The following SLC12A7 variants were observed in gnomAD, a reference collection of about 807,000 sequenced individuals.
SLC12A7 encodes the protein K-Cl cotransporter 4.
In SLC12A7, 100 loss-of-function variants were observed where a neutral mutation model predicts 120.6. That is an observed-to-expected ratio of 0.83 (90% CI 0.71 to 0.98). The LOEUF (loss-of-function observed/expected upper bound fraction) is 0.98. Ranked by LOEUF, SLC12A7 falls within the 50% of genes least tolerant of loss-of-function variation. SLC12A7 has a pLI of 0.00. For missense variants in SLC12A7, 1,373 were observed against 1,548.1 expected (o/e 0.89, Z 1.90); for synonymous variants, 760 against 678.0 (o/e 1.12, Z -1.88).
chr5:1,093,932 G>C (rs1290908375), intron 2 of SLC12A7, among the ~76,000 whole-genome samples: 2 of 152,132 alleles, frequency 1.3e-5, no homozygotes, highest in African/African-American at 2.4e-5. Flanking sequence ...GAGCACCCTA[G>C]ATCCAGGAAG....
intron 1 of SLC12A7, among the ~76,000 whole-genome samples, chr5:1,095,700 T>C (rs1335447214): frequency 6.6e-6 from 1 of 152,204 alleles, no homozygotes; most frequent in Non-Finnish European, 1.5e-5. Context: ...GCATTCTCTA[T>C]GGGACATTTC....
At chr5:1,125,123 G>A in the SLC12A7 span, among the ~76,000 whole-genome samples, 1 of 152,218 alleles carries the variant, frequency 6.6e-6, no homozygotes, top group Non-Finnish European at 1.5e-5. Context: ...GGTTGAGAGA[G>A]GAGCTCTGAC....
At position 1,089,065 on chromosome 5, in the gene SLC12A7, T is replaced by C; in HGVS notation, c.406A>G (p.Ile136Val). ...LPCLQNILGVILFLRLTWIVG... is the reference protein window; with the variant it reads ...LPCLQNILGVVLFLRLTWIVG... ...ATCCACGTCAGGCGCAGGAAGAGGA[T>C]GACGCCCAGGATGTTCTGCAGGCAC... Residue 136 changes from isoleucine (I) to valine (V), a missense_variant, in exon 4 of 24, where the codon ATC (isoleucine) becomes GTC (valine). By Grantham distance (29) the Ile-to-Val change is conservative. Coordinates refer to ENST00000264930, the MANE Select transcript of SLC12A7 (RefSeq NM_006598.3). 5 of 1,613,050 alleles carry C rather than the reference T, an allele frequency of 3.1e-6. No homozygotes were observed. Among genetic ancestry groups the C allele is most frequent in the Non-Finnish European group, 4.2e-6 (5 of 1,179,990 alleles).
chr5:1,050,550 G>A lies in SLC12A7; in HGVS notation c.*1810C>T. On this transcript the variant is annotated 3_prime_UTR_variant, in exon 24 of 24. Coordinates refer to ENST00000264930, the MANE Select transcript of SLC12A7 (RefSeq NM_006598.3). ...GAGGCTGCAGCCCAGGGCGGGGGCA[G>A]AGCTGAGCCCTCAGGAGGTGGTTTC... The A allele has an allele frequency of 3.4e-6, 1 of 290,630 alleles. No homozygotes were observed. Among genetic ancestry groups the A allele is most frequent in the Middle Eastern group, 9.1e-4 (1 of 1,096 alleles). The allele number at this position is 290,630 out of a possible 1,614,324, so 18.0% of individuals were successfully genotyped here. A position where few individuals can be genotyped will look rare whatever the true frequency, so the allele number is the denominator to read the frequency against.
Position 1,111,923 on chromosome 5 carries a change from C to G in SLC12A7, c.69G>C (p.Glu23Asp). 7.8e-7 allele frequency: 1 copy of G among 1,275,066 alleles called. No individual in the cohort carries two copies. The highest frequency in any genetic ancestry group is 9.9e-7 in the Non-Finnish European group (1 of 1,008,948). The allele number at this position is 1,275,066 out of a possible 1,614,324, so 79.0% of individuals were successfully genotyped here. The change falls in exon 1 of 24, where the codon GAG (glutamate) becomes GAC (aspartate). Residue 23 changes from glutamate (E) to aspartate (D), a missense_variant. Physicochemically the swap from Glu to Asp is conservative, Grantham distance 45. Transcript: ENST00000264930. ...HADGGGDETA[E>D]RTEAPGTPEG... ...CGGGGGTGCCCGGAGCCTCCGTCCG[C>G]TCGGCAGTCTCGTCCCCGCCGCCGT...
upstream of SLC12A7, among the ~76,000 whole-genome samples, chr5:1,115,510 G>A (rs1447273566): frequency 6.6e-6 from 1 of 152,340 alleles, no homozygotes; most frequent in East Asian, 1.9e-4. Flanking sequence ...TCCTGTTAGG[G>A]TGGGGGGCTC....
chr5:1,068,485 T>C (rs977190471), intron 17 of SLC12A7, among the ~76,000 whole-genome samples: 2 of 152,218 alleles, frequency 1.3e-5, no homozygotes, highest in Admixed American at 6.5e-5. Flanking sequence ...TTTGCCCAGA[T>C]TTCTCTAATT....
At position 1,085,111 on chromosome 5, in the gene SLC12A7, C is replaced by T. The variant is rs544912830; in HGVS notation, c.917+121G>A. ...CCCACGGGGGTTCCCGCCACGGTCA[C>T]ACCCAGCCCACCCCTTGCGGGGAGC... On this transcript the variant is annotated intron_variant, in intron 7 of 23. Transcript: ENST00000264930. 48 of 1,401,570 alleles carry T rather than the reference C, an allele frequency of 3.4e-5. No individual in the cohort carries two copies. In the Admixed American group the frequency reaches 1.1e-3, roughly 32 times the overall value. The allele number at this position is 1,401,570 out of a possible 1,614,324, so 86.8% of individuals were successfully genotyped here.
At chr5:1,148,874 T>C in the SLC12A7 span, among the ~76,000 whole-genome samples, 1 of 152,274 alleles carries the variant, frequency 6.6e-6, no homozygotes, top group Non-Finnish European at 1.5e-5. Flanking sequence ...TTCAGTTTGA[T>C]GATGCCATTT....
At chr5:1,136,006 TG>T in the SLC12A7 span, among the ~76,000 whole-genome samples, 2 of 152,170 alleles carry the variant, frequency 1.3e-5, no homozygotes, top group African/African-American at 4.8e-5. Context: ...TCTCCAGGCC[TG>T]GCTCGGGTCC....
chr5:1,088,431 C>T, intron 4 of SLC12A7, 71 bp from the exon 5 acceptor site: 1 of 1,493,020 alleles, frequency 6.7e-7, no homozygotes, highest in South Asian at 1.2e-5. Context: ...ACTCCCAAGT[C>T]AGGGTCTATG....
At chr5:1,065,934 G>A (rs1561045830) in intron 17 of SLC12A7, among the ~76,000 whole-genome samples, 2 of 152,102 alleles carry the variant, frequency 1.3e-5, no homozygotes, top group Admixed American at 6.5e-5. Context: ...GGGGGGCGGG[G>A]GTGGGGGACT....
In SLC12A7 at chr5:1,073,768, C is replaced by T. The variant is rs149182820; in HGVS notation, c.2106G>A (p.Ala702=). The change falls in exon 17 of 24, where the codon GCG becomes GCA. Residue 702 remains alanine (A), a synonymous_variant. Transcript: ENST00000264930. The stretch of plus-strand genomic sequence containing the variant: ...GGCGGGGGTGCTTCACGGCCTGCTC[C>T]GCGTCCAGGTTCAGCATCACCAGCA... ...PQVLVMLNLD[A]EQAVKHPRLL... The T allele has an allele frequency of 9.7e-4, 1,443 of 1,492,116 alleles. 5 individuals are homozygous for T. In the African/African-American group the frequency reaches 0.01, roughly 11 times the overall value. 92.4% of individuals were successfully genotyped at this position (1,492,116 alleles called of 1,614,324 possible).
At chr5:1,057,136 C>A (rs966306360) in intron 22 of SLC12A7, 5 of 262,050 alleles carry the variant, frequency 1.9e-5, no homozygotes, top group East Asian at 1.4e-4. Flanking sequence ...CTAGGTCCTA[C>A]AAGGACCCCT....
chr5:1,063,423 G>A lies in SLC12A7; in HGVS notation c.2739+421C>T, dbSNP rs190504117. Among the ~76,000 whole-genome samples the A allele has an allele frequency of 4.8e-3, 724 of 152,226 alleles. 2 individuals carry two copies. Among genetic ancestry groups the A allele is most frequent in the Admixed American group, 0.012 (191 of 15,304 alleles). ...CGGGGTCCCGGGCCGAGGAGGACAC[G>A]GGACCATGGAGGACACGGAGATGCT... is the stretch of plus-strand genomic sequence containing the variant. On this transcript the variant is annotated intron_variant, in intron 20 of 23. Coordinates refer to ENST00000264930, the MANE Select transcript of SLC12A7 (RefSeq NM_006598.3).
intron 1 of SLC12A7, among the ~76,000 whole-genome samples, chr5:1,100,672 T>C (rs1741926714): frequency 6.6e-6 from 1 of 152,332 alleles, no homozygotes; most frequent in South Asian, 2.1e-4. Flanking sequence ...GCGCCTGTCC[T>C]CTGGGGTCTT....
the SLC12A7 span, among the ~76,000 whole-genome samples, chr5:1,148,052 G>C: frequency 6.6e-6 from 1 of 152,056 alleles, no homozygotes. Context: ...TCCCTGAAAT[G>C]TATACAACCA....
chr5:1,090,389 G>A (rs943526964), intron 3 of SLC12A7, among the ~76,000 whole-genome samples: 5 of 152,212 alleles, frequency 3.3e-5, no homozygotes, highest in African/African-American at 2.4e-5. Flanking sequence ...CCCTAGGTGG[G>A]AAGCAACAGG....
At chr5:1,096,111 G>A (rs1374294441) in intron 1 of SLC12A7, among the ~76,000 whole-genome samples, 1 of 152,230 alleles carries the variant, frequency 6.6e-6, no homozygotes, top group Non-Finnish European at 1.5e-5. Context: ...TCTCGTGTGT[G>A]ATCATTAACT....
Sources: gnomAD v4.1 joint callset for allele counts (sites outside exome capture counted in the v4.1 genomes callset) on GRCh38, gnomAD v4.1.1 for gene constraint, MANE v1.5 for transcripts, NCBI Gene and HGNC (gene_info 2026-07-23, HGNC 2026-07-21) for gene names.